The following RPL7A variants were observed in gnomAD, a reference collection of about 807,000 sequenced individuals.
RPL7A encodes the protein ribosomal protein L7a.
For synonymous variants in RPL7A, 158 were observed against 128.2 expected, an observed-to-expected ratio of 1.23 and a Z score of -1.57; for missense variants, 291 against 338.2, an observed-to-expected ratio of 0.86 and a Z score of 1.09.
chr9:133,349,868 T>A (rs2129989198), intron 3 of RPL7A, 44 bp from the exon 4 acceptor site: 3 of 1,606,488 alleles, frequency 1.9e-6, no homozygotes, highest in South Asian at 1.1e-5. Context: ...GTGACAAGGA[T>A]TAGAACCTTG....
In RPL7A at chr9:133,349,964, G is replaced by A. The variant is rs147624133; in HGVS notation, c.327G>A (p.Glu109=). ...AGTACAGACCAGAGACAAAGCAAGA[G>A]AAGAAGCAGAGACTGTTGGCCCGGG... ...AHKYRPETKQ[E]KKQRLLARAE... The change falls in exon 4 of 8, where the codon GAG becomes GAA. Residue 109 remains glutamate (E), a synonymous_variant. Coordinates refer to ENST00000323345, the MANE Select transcript of RPL7A (RefSeq NM_000972.3). The A allele has an allele frequency of 6.2e-6, 10 of 1,612,018 alleles. No individual in the cohort carries two copies. The African/African-American group carries it at 9.3e-5, about 15-fold the overall frequency.
At position 133,348,866 on chromosome 9, in the gene RPL7A, A is replaced by G. The variant is rs2129981640; in HGVS notation, c.4-56A>G. 6.9e-5 allele frequency: 112 copies of G among 1,612,356 alleles called. 3 individuals are homozygous for G. In the South Asian group the frequency reaches 1.2e-3, roughly 17 times the overall value. On this transcript the variant is annotated intron_variant, in intron 1 of 7. Transcript: ENST00000323345. ...TTTTGGAGGAGCCAGCCTGAGCCCT[A>G]CCCCCGACGAAGCGAGTGGAGGCGG...
chr9:133,348,825 C>G (rs782773571), intron 1 of RPL7A, 97 bp from the exon 2 acceptor site: 7 of 1,588,014 alleles, frequency 4.4e-6, no homozygotes, highest in Non-Finnish European at 6.0e-6. Flanking sequence ...CAGGCAGGTG[C>G]TGTCAGCGTC....
chr9:133,349,243 A>T, intron 2 of RPL7A: 1 of 748,366 alleles, frequency 1.3e-6, no homozygotes, highest in Non-Finnish European at 2.3e-6. Context: ...TCAATATGGT[A>T]GTGGCCTTGA....
chr9:133,348,256 C>G lies in RPL7A; in HGVS notation c.3+10C>G, dbSNP rs2129977307. On this transcript the variant is annotated intron_variant, in intron 1 of 7. Transcript: ENST00000323345. ...CCCGCCGCCCAAGATGGTGAGTGAG[C>G]TGTAGTTCCGTGGCACTATAGCCAG... 12 of 1,614,118 alleles carry G rather than the reference C, an allele frequency of 7.4e-6. No homozygotes were observed. The highest frequency in any genetic ancestry group is 3.3e-5 in the South Asian group (3 of 91,090).
At chr9:133,351,104 TTC>T (rs2129998149) in intron 7 of RPL7A, 33 bp downstream of exon 7, 1 of 1,602,640 alleles carries the variant, frequency 6.2e-7, no homozygotes, top group Non-Finnish European at 8.5e-7. Context: ...AATACTGTCA[TTC>T]ACAAATCTTT....
intron 2 of RPL7A, 23 bp from the exon 3 acceptor site, chr9:133,349,528 C>G (rs2129986956): frequency 8.1e-6 from 13 of 1,613,908 alleles, no homozygotes; most frequent in Non-Finnish European, 9.3e-6. Flanking sequence ...GAGCCTCACT[C>G]GGTGTCACCC....
chr9:133,350,243 T>G lies in RPL7A; in HGVS notation c.419T>G (p.Val140Gly). 6.2e-7 allele frequency: 1 copy of G among 1,613,762 alleles called. No individual in the cohort carries two copies. The highest frequency in any genetic ancestry group is 8.5e-7 in the Non-Finnish European group (1 of 1,179,980). Residue 140 changes from valine to glycine, a missense_variant, in exon 5 of 8, where the codon GTT becomes GGT. Physicochemically the swap from Val to Gly is moderately radical, Grantham distance 109. Transcript: ENST00000323345. ...ACAAAGTGGTTGTGTGTTCTAGGAG[T>G]TAACACCGTCACCACCTTGGTGGAG... Reference protein sequence around the residue: ...TKRPPVLRAGVNTVTTLVENK... With the variant: ...TKRPPVLRAGGNTVTTLVENK...
intron 1 of RPL7A, chr9:133,348,694 G>A (rs2129979925): frequency 1.1e-5 from 8 of 728,806 alleles, no homozygotes; most frequent in Non-Finnish European, 2.0e-5. Context: ...GTGGTCTCGG[G>A]CTTAGCCTTG....
intron 2 of RPL7A, 193 bp from the exon 3 acceptor site, chr9:133,349,358 A>T (rs2129985153): frequency 1.1e-6 from 1 of 887,310 alleles, no homozygotes; most frequent in South Asian, 1.3e-5. Flanking sequence ...TTGTTAGATG[A>T]GGAAAAGCAT....
chr9:133,349,993 A>G lies in RPL7A; in HGVS notation c.356A>G (p.Glu119Gly), dbSNP rs2129990488. The G allele has an allele frequency of 6.2e-7, 1 of 1,612,598 alleles. No individual in the cohort carries two copies. The highest frequency in any genetic ancestry group is 8.5e-7 in the Non-Finnish European group (1 of 1,179,890). ...AAGCAGAGACTGTTGGCCCGGGCCG[A>G]GAAGAAGGCTGCTGGCAAAGGGGAC... ...EKKQRLLARAEKKAAGKGDVP... is the reference protein window; with the variant it reads ...EKKQRLLARAGKKAAGKGDVP... Residue 119 changes from glutamate (E) to glycine (G), a missense_variant, in exon 4 of 8, where the codon GAG becomes GGG. Glu to Gly is a moderately conservative substitution (Grantham distance 98). Coordinates refer to ENST00000323345, the MANE Select transcript of RPL7A (RefSeq NM_000972.3).
chr9:133,350,231 G>C lies in RPL7A; in HGVS notation c.416-9G>C. The C allele has an allele frequency of 6.2e-7, 1 of 1,613,926 alleles. No individual in the cohort carries two copies. The highest frequency in any genetic ancestry group is 8.5e-7 in the Non-Finnish European group (1 of 1,179,976). On this transcript the variant is annotated splice_polypyrimidine_tract_variant and intron_variant, in intron 4 of 7. Transcript: ENST00000323345. ...CTGTGAGTGCTCACAAAGTGGTTGT[G>C]TGTTCTAGGAGTTAACACCGTCACC...
At chr9:133,349,866 G>T in intron 3 of RPL7A, 46 bp from the exon 4 acceptor site, 1 of 1,606,294 alleles carries the variant, frequency 6.2e-7, no homozygotes, top group Admixed American at 1.7e-5. Flanking sequence ...AAGTGACAAG[G>T]ATTAGAACCT....
chr9:133,349,761 C>T, intron 3 of RPL7A, 61 bp downstream of exon 3: 5 of 1,603,224 alleles, frequency 3.1e-6, no homozygotes, highest in African/African-American at 1.3e-5. Context: ...TCATCCAGAA[C>T]ATGAGGGGGA....
At chr9:133,348,722 TC>T in intron 1 of RPL7A, 199 bp from the exon 2 acceptor site, 1 of 828,664 alleles carries the variant, frequency 1.2e-6, no homozygotes, top group Non-Finnish European at 2.0e-6. Context: ...CACTCGGGGT[TC>T]CCGGGGCTGC....
chr9:133,349,953 A>G lies in RPL7A; in HGVS notation c.316A>G (p.Thr106Ala), dbSNP rs2129990052. The change falls in exon 4 of 8, where the codon ACA (threonine) becomes GCA (alanine). Residue 106 changes from threonine (T) to alanine (A), a missense_variant. Transcript: ENST00000323345. The stretch of plus-strand genomic sequence containing the variant: ...GCTGGCCCACAAGTACAGACCAGAG[A>G]CAAAGCAAGAGAAGAAGCAGAGACT... ...LKLAHKYRPETKQEKKQRLLA... is the reference protein window; with the variant it reads ...LKLAHKYRPEAKQEKKQRLLA... 1.2e-6 allele frequency: 2 copies of G among 1,611,916 alleles called. No individual in the cohort carries two copies. The highest frequency in any genetic ancestry group is 1.1e-5 in the South Asian group (1 of 91,010).
chr9:133,350,268 G>A lies in RPL7A; in HGVS notation c.444G>A (p.Glu148=). 1 of 1,614,038 alleles carries A rather than the reference G, an allele frequency of 6.2e-7. No homozygotes were observed. The highest frequency in any genetic ancestry group is 8.5e-7 in the Non-Finnish European group (1 of 1,180,036). The change falls in exon 5 of 8, where the codon GAG becomes GAA. Residue 148 remains glutamate (E), a synonymous_variant. Transcript: ENST00000323345. Reference sequence around the variant, plus strand: ...TTAACACCGTCACCACCTTGGTGGAGAACAAGAAAGCTCAGCTGGTGGTGA... The same window carrying A: ...TTAACACCGTCACCACCTTGGTGGAAAACAAGAAAGCTCAGCTGGTGGTGA... The part of the protein sequence containing the change: ...AGVNTVTTLV[E]NKKAQLVVIA...
intron 1 of RPL7A, chr9:133,348,535 G>C: frequency 3.3e-6 from 2 of 599,682 alleles, no homozygotes; most frequent in East Asian, 2.8e-5. Flanking sequence ...CGGAGCCCTA[G>C]CGTCTCTCGG....
chr9:133,349,722 A>G (rs2129988199), intron 3 of RPL7A, 22 bp downstream of exon 3: 1 of 1,612,108 alleles, frequency 6.2e-7, no homozygotes, highest in South Asian at 1.1e-5. Context: ...TGGCGTGGAA[A>G]GGAGTTTCTC....
Sources: allele counts gnomAD v4.1 joint callset, GRCh38; gene constraint gnomAD v4.1.1; transcripts MANE v1.5; gene names NCBI Gene and HGNC (gene_info 2026-07-23, HGNC 2026-07-21).